The following CUL2 variants were observed in gnomAD, a reference collection of about 807,000 sequenced individuals.
The protein encoded by CUL2 is cullin-2.
CUL2 carries 22 observed loss-of-function variants against 110.2 expected under a neutral mutation model. The ratio of observed to expected loss-of-function variants is 0.20; its 90% CI spans 0.14 to 0.28. CUL2 has a LOEUF of 0.28. CUL2 is among the 10% of genes least tolerant of loss of function. The pLI is 1.00. For synonymous variants in CUL2, 279 were observed against 293.2 expected (o/e 0.95, Z 0.49); for missense variants, 631 against 905.5 (o/e 0.70, Z 3.89).
chr10:35,084,218 A>G (rs1351995867), intron 1 of CUL2, among the ~76,000 whole-genome samples: 1 of 152,232 alleles, frequency 6.6e-6, no homozygotes, highest in Non-Finnish European at 1.5e-5. Flanking sequence ...CAGAGGTTGC[A>G]GTGAGCTGAG....
chr10:35,027,613 TTTAAGA>T (rs1413496396), intron 16 of CUL2, among the ~76,000 whole-genome samples: 1 of 152,160 alleles, frequency 6.6e-6, no homozygotes, highest in Non-Finnish European at 1.5e-5. Context: ...GATAGTTATA[TTTAAGA>T]TTAAGATGTA....
At chr10:35,098,175 C>G (rs1379871024) in intron 2 of CUL2, 1 of 151,886 alleles carries the variant, frequency 6.6e-6, no homozygotes, top group Non-Finnish European at 1.5e-5. Context: ...AAGAAATTAC[C>G]AGTGGATCCT....
intron 1 of CUL2, among the ~76,000 whole-genome samples, chr10:35,074,576 T>C (rs369694333): frequency 6.6e-6 from 1 of 152,054 alleles, no homozygotes; most frequent in Non-Finnish European, 1.5e-5. Flanking sequence ...AACCTCCACC[T>C]CCCACGTTCA....
At chr10:35,044,544 T>C in intron 8 of CUL2, 22 bp downstream of exon 8, 2 of 1,428,404 alleles carry the variant, frequency 1.4e-6, no homozygotes, top group African/African-American at 1.4e-5. Flanking sequence ...GATAAATGTA[T>C]TCGATATGTT....
chr10:35,048,893 G>C (rs776649246), intron 6 of CUL2, among the ~76,000 whole-genome samples: 1 of 152,022 alleles, frequency 6.6e-6, no homozygotes. Context: ...TAAATACCAC[G>C]GCTTTGACAA....
chr10:35,033,086 C>T, intron 11 of CUL2, 80 bp downstream of exon 11: 1 of 717,156 alleles, frequency 1.4e-6, no homozygotes, highest in Non-Finnish European at 2.2e-6. Flanking sequence ...AAACCTCATA[C>T]TAGAATTCTG....
intron 16 of CUL2, among the ~76,000 whole-genome samples, chr10:35,027,167 C>T (rs1221604292): frequency 4.6e-5 from 6 of 131,732 alleles, no homozygotes; most frequent in Non-Finnish European, 7.9e-5. Flanking sequence ...TTTTTTGAGG[C>T]GGAGTCTCGC....
intron 2 of CUL2, among the ~76,000 whole-genome samples, chr10:35,065,821 T>C (rs1336456294): frequency 6.6e-6 from 1 of 151,948 alleles, no homozygotes; most frequent in Non-Finnish European, 1.5e-5. Context: ...ATCACACCAC[T>C]GCATTCCAGC....
intron 6 of CUL2, among the ~76,000 whole-genome samples, chr10:35,048,786 G>A (rs1389540431): frequency 6.6e-6 from 1 of 152,072 alleles, no homozygotes. Context: ...TTTCTATTGG[G>A]TATCAAAAAT....
Position 35,028,960 on chromosome 10 carries a change from T to C in CUL2, c.1540-73A>G, listed in dbSNP as rs151203848. On this transcript the variant is annotated intron_variant, in intron 15 of 20. Transcript: ENST00000374749. ...AAATTCAAAGTAAATATTTATTAAATAATCTAAGCATCTAAAACATTTTTT... is the reference window on the plus strand; with the variant it reads ...AAATTCAAAGTAAATATTTATTAAACAATCTAAGCATCTAAAACATTTTTT... 1.8e-3 allele frequency: 1,641 copies of C among 916,166 alleles called. 23 individuals are homozygous for C. In the African/African-American group the frequency reaches 0.024, roughly 14 times the overall value. 56.8% of individuals were successfully genotyped at this position (916,166 alleles called of 1,614,324 possible).
upstream of CUL2, among the ~76,000 whole-genome samples, chr10:35,094,564 GAA>G (rs978204482): frequency 3.3e-4 from 50 of 152,228 alleles, no homozygotes; most frequent in African/African-American, 1.1e-3. Flanking sequence ...TAAAGAAACT[GAA>G]AAGTTTGAGA....
chr10:35,090,265 G>C lies in CUL2; in HGVS notation c.-109C>G, dbSNP rs567832949. The C allele has an allele frequency of 2.0e-3, 316 of 157,612 alleles. 1 individual carries two copies. Among genetic ancestry groups the C allele is most frequent in the Non-Finnish European group, 3.6e-3 (258 of 71,828 alleles). The allele number at this position is 157,612 out of a possible 1,614,324, so 9.8% of individuals were successfully genotyped here. A position where few individuals can be genotyped will look rare whatever the true frequency, so the allele number is the denominator to read the frequency against. ...GAAAGACGAAGCCCCGGCGAGGAAG[G>C]TGGGCGGAGGCGGCGGCGGCGGCGG... On this transcript the variant is annotated 5_prime_UTR_variant, in exon 1 of 21. Transcript: ENST00000374749.
chr10:35,096,556 T>C (rs1272989546), intron 2 of CUL2, among the ~76,000 whole-genome samples: 1 of 152,124 alleles, frequency 6.6e-6, no homozygotes, highest in Non-Finnish European at 1.5e-5. Flanking sequence ...ATGTTTGCAG[T>C]GAGCTGTGAT....
At chr10:35,104,699 TTAACATGAACAGTCCTAC>T (rs1436151748) in intron 1 of CUL2, among the ~76,000 whole-genome samples, 5 of 152,148 alleles carry the variant, frequency 3.3e-5, no homozygotes, top group Non-Finnish European at 7.3e-5. Flanking sequence ...ATATATTTTT[TTAACATGAACAGTCCTAC>T]TAAACGAAGA....
Position 35,033,197 on chromosome 10 carries a change from C to A in CUL2, c.1079G>T (p.Gly360Val). 1 of 1,613,326 alleles carries A rather than the reference C, an allele frequency of 6.2e-7. No individual in the cohort carries two copies. The highest frequency in any genetic ancestry group is 8.5e-7 in the Non-Finnish European group (1 of 1,179,572). ...CAACGCACTCATAAAATGCTGATCA[C>A]CATTCAAAACAGTGTTGATAAGCTG... ...FVQLINTVLN[G>V]DQHFMSALDK... Residue 360 changes from glycine to valine, a missense_variant, in exon 11 of 21, where the codon GGT becomes GTT. Physicochemically the swap from Gly to Val is moderately radical, Grantham distance 109 (BLOSUM62 -3). Transcript: ENST00000374749.
chr10:35,015,586 T>A (rs957226913), intron 18 of CUL2, among the ~76,000 whole-genome samples: 6 of 152,194 alleles, frequency 3.9e-5, no homozygotes, highest in African/African-American at 1.4e-4. Context: ...GTTGCATTTT[T>A]AACTATTTAA....
chr10:35,102,749 G>A (rs145824714), intron 1 of CUL2, among the ~76,000 whole-genome samples: 3,996 of 150,110 alleles, frequency 0.027, 174 homozygotes, highest in African/African-American at 0.089. Context: ...CGGGTGCAGT[G>A]GCAGGCGCCT....
chr10:35,082,129 T>A (rs1252598761), intron 1 of CUL2, among the ~76,000 whole-genome samples: 1 of 151,076 alleles, frequency 6.6e-6, no homozygotes, highest in East Asian at 1.9e-4. Flanking sequence ...GACATCATCT[T>A]GACTGAAAAA....
chr10:35,029,001 T>C, intron 15 of CUL2, 114 bp from the exon 16 acceptor site: 2 of 635,832 alleles, frequency 3.1e-6, no homozygotes, highest in South Asian at 4.7e-5. Flanking sequence ...CTCAAAATGT[T>C]GATGAAATCT....
Sources: allele counts gnomAD v4.1 joint callset (sites outside exome capture counted in the v4.1 genomes callset), GRCh38; gene constraint gnomAD v4.1.1; transcripts MANE v1.5; gene names NCBI Gene and HGNC (gene_info 2026-07-23, HGNC 2026-07-21).